Variants in CSMD2 observed in about 807,000 individuals in gnomAD.
CSMD2 encodes the protein CUB and Sushi multiple domains 2, also known as CUB and sushi domain-containing protein 2.
In CSMD2, 130 loss-of-function variants were observed where a neutral mutation model predicts 398.5. The ratio of observed to expected loss-of-function variants is 0.33; its 90% confidence interval spans 0.28 to 0.38. The LOEUF is 0.38. CSMD2 is among the 10% of genes least tolerant of loss of function. The pLI, the probability that CSMD2 is intolerant of heterozygous loss-of-function variation, is 1.00. For missense variants in CSMD2, 3,829 were observed against 4,764.9 expected (o/e 0.80, Z 5.78); for synonymous variants, 1,828 against 1,908.5 (o/e 0.96, Z 1.10).
At chr1:33,832,492 T>C (rs934584453) in intron 6 of CSMD2, among the ~76,000 whole-genome samples, 3 of 146,168 alleles carry the variant, frequency 2.1e-5, no homozygotes, top group African/African-American at 5.2e-5. Context: ...CTGGGACACA[T>C]TCAAAGCAGT....
At chr1:33,921,206 G>T (rs1014189157) in intron 4 of CSMD2, among the ~76,000 whole-genome samples, 78 of 152,302 alleles carry the variant, frequency 5.1e-4, no homozygotes, top group African/African-American at 1.9e-3. Context: ...GGAAGGGAGG[G>T]AAGGTAGGCA....
At chr1:33,796,075 C>T (rs189436074) in intron 10 of CSMD2, among the ~76,000 whole-genome samples, 1 of 152,332 alleles carries the variant, frequency 6.6e-6, no homozygotes, top group East Asian at 1.9e-4. Flanking sequence ...ATGGGTGTGG[C>T]TGTGTTCCAA....
intron 6 of CSMD2, among the ~76,000 whole-genome samples, chr1:33,833,470 C>T (rs1368566029): frequency 1.3e-5 from 2 of 150,248 alleles, no homozygotes; most frequent in East Asian, 2.0e-4. Flanking sequence ...GCTAAAAACT[C>T]TCAATAAATT....
At position 33,642,036 on chromosome 1, in the gene CSMD2, C is replaced by A. The variant is rs569538906; in HGVS notation, c.4774+4612G>T. Among the ~76,000 whole-genome samples the A allele has an allele frequency of 9.2e-5, 14 of 152,270 alleles. No homozygotes were observed. In the South Asian group the frequency reaches 2.9e-3, roughly 32 times the overall value. ...ATCCTTTGGGATCTGAAACTGGAAT[C>A]TAAACTGGGAAGTGATTCAAAGCCA... On this transcript the variant is annotated intron_variant, in intron 29 of 70. Transcript: ENST00000373381.
rs543625413 is a variant in CSMD2 at position 33,830,606 on chromosome 1, C to T, written c.1034-4832G>A. ...GGAAACTCTAAAAAGCAGAGCGCCTCTCCTCCTCCAAAGGAACGCAGTTCC... is the reference window on the plus strand; with the variant it reads ...GGAAACTCTAAAAAGCAGAGCGCCTTTCCTCCTCCAAAGGAACGCAGTTCC... On this transcript the variant is annotated intron_variant, in intron 6 of 70. Transcript: ENST00000373381. 2.0e-5 allele frequency among the ~76,000 whole-genome samples: 3 copies of T among 152,316 alleles called. No homozygotes were observed. The South Asian group carries it at 6.2e-4, about 32-fold the overall frequency.
intron 6 of CSMD2, among the ~76,000 whole-genome samples, chr1:33,832,794 C>T (rs1334795120): frequency 3.3e-5 from 5 of 151,332 alleles, no homozygotes; most frequent in Admixed American, 2.0e-4. Context: ...ATCAAACAGA[C>T]ACAATAAAAA....
chr1:34,116,820 A>G (rs573194354), intron 1 of CSMD2, among the ~76,000 whole-genome samples: 2 of 152,256 alleles, frequency 1.3e-5, no homozygotes, highest in East Asian at 1.9e-4. Flanking sequence ...GAATAGAACT[A>G]AAAAGCAGCA....
At chr1:33,951,049 C>T (rs1644993344) in intron 3 of CSMD2, among the ~76,000 whole-genome samples, 4 of 152,200 alleles carry the variant, frequency 2.6e-5, no homozygotes, top group Non-Finnish European at 5.9e-5. Flanking sequence ...TCTCTTTCCC[C>T]TTGGTCCTCT....
chr1:33,999,779 G>A (rs1316238301), intron 3 of CSMD2, among the ~76,000 whole-genome samples: 1 of 151,894 alleles, frequency 6.6e-6, no homozygotes, highest in Non-Finnish European at 1.5e-5. Flanking sequence ...AGGATAACTG[G>A]ACATACACTC....
chr1:34,010,953 C>A (rs2148067894), intron 3 of CSMD2, among the ~76,000 whole-genome samples: 1 of 152,270 alleles, frequency 6.6e-6, no homozygotes, highest in South Asian at 2.1e-4. Flanking sequence ...TTCCTTCTGC[C>A]TTGGGAAGGC....
intron 5 of CSMD2, among the ~76,000 whole-genome samples, chr1:33,894,308 G>A (rs533260450): frequency 2.6e-5 from 4 of 152,168 alleles, no homozygotes; most frequent in East Asian, 3.9e-4. Context: ...TGTAATACTC[G>A]ATCTTTCAGA....
chr1:34,040,516 G>A (rs970940036), intron 2 of CSMD2, among the ~76,000 whole-genome samples: 1 of 152,324 alleles, frequency 6.6e-6, no homozygotes, highest in Admixed American at 6.5e-5. Context: ...AGCACCCCAA[G>A]AGCCATGGCT....
chr1:33,729,121 T>C (rs1646637807), intron 15 of CSMD2, among the ~76,000 whole-genome samples: 1 of 152,188 alleles, frequency 6.6e-6, no homozygotes, highest in African/African-American at 2.4e-5. Flanking sequence ...CATCTCTGGT[T>C]GTTGGACTGT....
intron 2 of CSMD2, among the ~76,000 whole-genome samples, chr1:34,059,465 T>A (rs1322857690): frequency 6.6e-6 from 1 of 152,180 alleles, no homozygotes; most frequent in Non-Finnish European, 1.5e-5. Context: ...TCTAGCACCC[T>A]ATTTCTTTCC....
intron 19 of CSMD2, among the ~76,000 whole-genome samples, chr1:33,718,426 G>A (rs955971001): frequency 2.0e-5 from 3 of 152,194 alleles, no homozygotes; most frequent in African/African-American, 7.2e-5. Context: ...TGTGACAGAT[G>A]CACACACAAA....
chr1:33,746,979 A>C (rs1030150139), intron 13 of CSMD2, among the ~76,000 whole-genome samples: 1 of 152,214 alleles, frequency 6.6e-6, no homozygotes, highest in Non-Finnish European at 1.5e-5. Context: ...CATAGTACAG[A>C]TGTGTCCCTA....
intron 6 of CSMD2, among the ~76,000 whole-genome samples, chr1:33,836,957 C>T (rs371778665): frequency 6.8e-4 from 103 of 152,334 alleles, no homozygotes; most frequent in African/African-American, 2.2e-3. Context: ...GCGTCGCTCA[C>T]GCTGGGAGCT....
intron 2 of CSMD2, among the ~76,000 whole-genome samples, chr1:34,075,916 C>T (rs1291754379): frequency 6.6e-6 from 1 of 152,174 alleles, no homozygotes; most frequent in East Asian, 1.9e-4. Context: ...TACAGGCTCC[C>T]GGCCTTCAGG....
intron 1 of CSMD2, among the ~76,000 whole-genome samples, chr1:34,149,885 G>C (rs1357362640): frequency 1.3e-5 from 2 of 152,150 alleles, no homozygotes; most frequent in Admixed American, 1.3e-4. Context: ...CTGACTTGTG[G>C]AGGCAGAGCC....
Sources: allele counts gnomAD v4.1 joint callset (sites outside exome capture counted in the v4.1 genomes callset), GRCh38; gene constraint gnomAD v4.1.1; transcripts MANE v1.5; gene names NCBI Gene and HGNC (gene_info 2026-07-23, HGNC 2026-07-21).